Variants in IGF1R observed in about 807,000 individuals in gnomAD.
IGF1R encodes insulin like growth factor 1 receptor.
A neutral mutation model predicts 144.6 loss-of-function variants in IGF1R; 44 were observed. The ratio of observed to expected loss-of-function variants is 0.30; its 90% CI spans 0.24 to 0.39. The LOEUF (loss-of-function observed/expected upper bound fraction) is 0.39. IGF1R is among the 10% of genes least tolerant of loss of function. The probability of loss-of-function intolerance (pLI) is 1.00; values close to 1 mark genes in which losing one functional copy is unlikely to be tolerated. For synonymous variants in IGF1R, 795 were observed against 722.8 expected (o/e 1.10, Z -1.60); for missense variants, 1,355 against 1,833.7 (o/e 0.74, Z 4.77).
chr15:98,663,791 A>G (rs1375765457), intron 1 of IGF1R, among the ~76,000 whole-genome samples: 3 of 152,234 alleles, frequency 2.0e-5, no homozygotes, highest in Admixed American at 6.5e-5. Flanking sequence ...GAGCTGGCCA[A>G]CGCGGCAGGG....
intron 11 of IGF1R, 110 bp from the exon 12 acceptor site, chr15:98,923,766 C>G: frequency 3.4e-6 from 3 of 890,648 alleles, no homozygotes; most frequent in Non-Finnish European, 5.7e-6. Context: ...CGTGGCTGAT[C>G]TCCACTGTCC....
chr15:98,651,932 C>T (rs2052377783), intron 1 of IGF1R, among the ~76,000 whole-genome samples: 1 of 152,148 alleles, frequency 6.6e-6, no homozygotes. Flanking sequence ...CAGTTTTTAG[C>T]CGGGAAGGTG....
chr15:98,882,153 G>A (rs577162334), intron 2 of IGF1R, among the ~76,000 whole-genome samples: 1 of 152,322 alleles, frequency 6.6e-6, no homozygotes, highest in East Asian at 1.9e-4. Flanking sequence ...ATAGGTCTAG[G>A]GCGTGTTGCG....
chr15:98,821,462 G>T (rs1354483179), intron 2 of IGF1R, among the ~76,000 whole-genome samples: 1 of 152,164 alleles, frequency 6.6e-6, no homozygotes, highest in Non-Finnish European at 1.5e-5. Context: ...TAGTCACTGT[G>T]GCCCCTTTTC....
chr15:98,675,083 G>T (rs2053001576), intron 1 of IGF1R, among the ~76,000 whole-genome samples: 1 of 144,450 alleles, frequency 6.9e-6, no homozygotes, highest in Non-Finnish European at 1.5e-5. Context: ...CTGCCTCCCA[G>T]GTTAAAGCAA....
Position 98,761,817 on chromosome 15 carries a change from A to T in IGF1R, c.640+53710A>T, listed in dbSNP as rs553707808. Among the ~76,000 whole-genome samples, 3 of 152,318 alleles carry T rather than the reference A, an allele frequency of 2.0e-5. No individual in the cohort carries two copies. In the East Asian group the frequency reaches 5.8e-4, roughly 29 times the overall value. ...GTCCTCCATGATGGAATATTGGTTG[A>T]TGCACTTATTCCACAAACATTTGTT... On this transcript the variant is annotated intron_variant, in intron 2 of 20. Coordinates refer to ENST00000650285, the MANE Select transcript of IGF1R (RefSeq NM_000875.5).
chr15:98,915,909 G>A (rs1290317015), intron 8 of IGF1R, 55 bp from the exon 9 acceptor site: 1 of 1,555,642 alleles, frequency 6.4e-7, no homozygotes, highest in Non-Finnish European at 8.9e-7. Context: ...GTATCTGATA[G>A]CCTGACTCTT....
Position 98,741,647 on chromosome 15 carries a change from C to T in IGF1R, c.640+33540C>T, listed in dbSNP as rs45521537. ...GAAGAACAGAGCTAGTCCAGCACTG[C>T]TCCGTCCTCCCGCATTTCTTCTTCT... is the stretch of plus-strand genomic sequence containing the variant. On this transcript the variant is annotated intron_variant, in intron 2 of 20. Transcript: ENST00000650285. Among the ~76,000 whole-genome samples the T allele has an allele frequency of 2.3e-3, 348 of 152,356 alleles. 6 individuals carry two copies. In the East Asian group the frequency reaches 0.059, roughly 26 times the overall value.
Position 98,958,236 on chromosome 15 carries a change from C to T in IGF1R, c.*794C>T, listed in dbSNP as rs963651741. On this transcript the variant is annotated 3_prime_UTR_variant, in exon 21 of 21. Coordinates refer to ENST00000650285, the MANE Select transcript of IGF1R (RefSeq NM_000875.5). ...TAGATTATTATTTGGGGGAACTGGA[C>T]ACAATAGGTCTTTCTCTCAGTGAAG... The T allele has an allele frequency of 4.3e-6, 1 of 231,552 alleles. No individual in the cohort carries two copies. Among genetic ancestry groups the T allele is most frequent in the African/African-American group, 2.2e-5 (1 of 45,198 alleles). The allele number at this position is 231,552 out of a possible 1,614,324, so 14.3% of individuals were successfully genotyped here.
chr15:98,881,751 T>A lies in IGF1R; in HGVS notation c.641-9574T>A, dbSNP rs187273816. Among the ~76,000 whole-genome samples the A allele has an allele frequency of 1.3e-5, 2 of 152,310 alleles. 1 individual carries two copies. The highest frequency in any genetic ancestry group is 1.3e-4 in the Admixed American group (2 of 15,306). ...GCCCAGGTTTGCAGTGTAACAGCTGTGTGCTCTTGGTGTGAACATTTGGTC... is the reference window on the plus strand; with the variant it reads ...GCCCAGGTTTGCAGTGTAACAGCTGAGTGCTCTTGGTGTGAACATTTGGTC... On this transcript the variant is annotated intron_variant, in intron 2 of 20. Coordinates refer to ENST00000650285, the MANE Select transcript of IGF1R (RefSeq NM_000875.5).
Position 98,896,754 on chromosome 15 carries a change from C to T in IGF1R, c.954-3C>T, listed in dbSNP as rs2151652087. 6.2e-7 allele frequency: 1 copy of T among 1,613,390 alleles called. No homozygotes were observed. The highest frequency in any genetic ancestry group is 2.2e-5 in the East Asian group (1 of 44,860). On this transcript the variant is annotated splice_region_variant and splice_polypyrimidine_tract_variant and intron_variant, in intron 3 of 20. Coordinates refer to ENST00000650285, the MANE Select transcript of IGF1R (RefSeq NM_000875.5). ...TTTTGATTTTTTTTTTCTTCTTCAA[C>T]AGCATGTACTGCATCCCTTGTGAAG... is the stretch of plus-strand genomic sequence containing the variant.
intron 2 of IGF1R, among the ~76,000 whole-genome samples, chr15:98,758,094 C>A (rs2055199839): frequency 6.6e-6 from 1 of 152,078 alleles, no homozygotes; most frequent in Non-Finnish European, 1.5e-5. Context: ...CTCATGGATT[C>A]TAGTAGATTC....
rs2017258087 is a variant in IGF1R at position 98,962,316 on chromosome 15, T to G, written c.*4874T>G. ...AGTTATGCATTTCAAGTTTGGGGTT[T>G]GTTCTTTTCGTTAATGTTCCTCTGT... is the stretch of plus-strand genomic sequence containing the variant. On this transcript the variant is annotated 3_prime_UTR_variant, in exon 21 of 21. Transcript: ENST00000650285. 4.3e-6 allele frequency: 1 copy of G among 233,368 alleles called. No homozygotes were observed. The highest frequency in any genetic ancestry group is 2.2e-5 in the African/African-American group (1 of 45,372). The allele number at this position is 233,368 out of a possible 1,614,324, so 14.5% of individuals were successfully genotyped here.
intron 1 of IGF1R, among the ~76,000 whole-genome samples, chr15:98,688,346 T>C (rs1188335320): frequency 6.8e-5 from 1 of 14,650 alleles, no homozygotes; most frequent in African/African-American, 1.4e-4. Flanking sequence ...GCCTTTCACT[T>C]CCCCCCACAC....
At chr15:98,780,009 C>G (rs749267844) in intron 2 of IGF1R, among the ~76,000 whole-genome samples, 1 of 152,076 alleles carries the variant, frequency 6.6e-6, no homozygotes, top group Non-Finnish European at 1.5e-5. Context: ...TAGTGACTTG[C>G]ATGGGAGGTT....
intron 2 of IGF1R, among the ~76,000 whole-genome samples, chr15:98,755,474 C>T (rs903081425): frequency 1.3e-5 from 2 of 151,864 alleles, no homozygotes; most frequent in Admixed American, 6.6e-5. Context: ...GGCATGGTGG[C>T]TCATGCCTGT....
chr15:98,961,627 T>G lies in IGF1R; in HGVS notation c.*4185T>G, dbSNP rs1046305245. ...CAGCAGCTCACACTGCTTGAAGTCA[T>G]ATGAACCACTGAGGCACATCATGGA... On this transcript the variant is annotated 3_prime_UTR_variant, in exon 21 of 21. Coordinates refer to ENST00000650285, the MANE Select transcript of IGF1R (RefSeq NM_000875.5). 1 of 233,648 alleles carries G rather than the reference T, an allele frequency of 4.3e-6. No homozygotes were observed. The highest frequency in any genetic ancestry group is 8.5e-6 in the Non-Finnish European group (1 of 118,076). 14.5% of individuals were successfully genotyped at this position (233,648 alleles called of 1,614,324 possible).
At chr15:98,729,881 C>T (rs187598331) in intron 2 of IGF1R, among the ~76,000 whole-genome samples, 2 of 152,304 alleles carry the variant, frequency 1.3e-5, no homozygotes, top group African/African-American at 2.4e-5. Context: ...AAGGTTTGCC[C>T]TGCATAACCC....
At chr15:98,675,116 G>A (rs903416087) in intron 1 of IGF1R, among the ~76,000 whole-genome samples, 3 of 151,116 alleles carry the variant, frequency 2.0e-5, no homozygotes, top group Non-Finnish European at 2.9e-5. Context: ...AGCCTCCCGA[G>A]TATTTGGGAC....
Sources: allele counts gnomAD v4.1 joint callset (sites outside exome capture counted in the v4.1 genomes callset), GRCh38; gene constraint gnomAD v4.1.1; transcripts MANE v1.5; gene names NCBI Gene and HGNC (gene_info 2026-07-23, HGNC 2026-07-21).